RAB3C: variants seen among roughly 807,000 people sequenced by gnomAD.
The protein encoded by RAB3C is ras-related protein Rab-3C.
A neutral mutation model predicts 26.4 loss-of-function variants in RAB3C; 17 were observed. That is an observed-to-expected ratio of 0.64 (90% confidence interval 0.44 to 0.97). The LOEUF (loss-of-function observed/expected upper bound fraction) is 0.97. Ranked by LOEUF, RAB3C falls within the 50% of genes least tolerant of loss-of-function variation. The pLI, the probability that RAB3C is intolerant of heterozygous loss-of-function variation, is 0.00. For synonymous variants in RAB3C, 91 were observed against 95.9 expected (o/e 0.95, Z 0.30); for missense variants, 242 against 281.9 (o/e 0.86, Z 1.01).
At chr5:58,777,985 C>T (rs866521757) in intron 3 of RAB3C, among the ~76,000 whole-genome samples, 2 of 152,044 alleles carry the variant, frequency 1.3e-5, no homozygotes, top group Non-Finnish European at 2.9e-5. Flanking sequence ...GTTCTACTGA[C>T]CAGATTTGTA....
rs1006406866 is a variant in RAB3C at position 58,858,326 on chromosome 5, A to C, written c.*6975A>C. On this transcript the variant is annotated 3_prime_UTR_variant, in exon 5 of 5. Transcript: ENST00000282878. ...GTGACAACTTTGTGCCAAATTTTTTAAAAAATGGAAGCAGGTAGCCAATAT... is the reference window on the plus strand; with the variant it reads ...GTGACAACTTTGTGCCAAATTTTTTCAAAAATGGAAGCAGGTAGCCAATAT... 5.9e-5 allele frequency: 9 copies of C among 152,214 alleles called. No individual in the cohort carries two copies. The highest frequency in any genetic ancestry group is 2.2e-4 in the African/African-American group (9 of 41,458). The allele number at this position is 152,214 out of a possible 1,614,324, so 9.4% of individuals were successfully genotyped here.
At chr5:58,700,011 C>A (rs1748807858) in intron 2 of RAB3C, among the ~76,000 whole-genome samples, 1 of 152,168 alleles carries the variant, frequency 6.6e-6, no homozygotes, top group African/African-American at 2.4e-5. Flanking sequence ...CCAGGCACCT[C>A]AGTTGGAAAT....
chr5:58,597,184 ATATAT>A (rs1746327191), intron 1 of RAB3C, among the ~76,000 whole-genome samples: 5 of 92,446 alleles, frequency 5.4e-5, no homozygotes, highest in South Asian at 3.5e-4. Context: ...ATACTACATA[ATATAT>A]TATATAATAA....
intron 1 of RAB3C, among the ~76,000 whole-genome samples, chr5:58,610,512 T>A (rs1397437906): frequency 6.6e-6 from 1 of 152,168 alleles, no homozygotes; most frequent in African/African-American, 2.4e-5. Context: ...ATGTTGAGTA[T>A]GTTTTTTGTT....
chr5:58,590,344 C>T (rs187954767), intron 1 of RAB3C, among the ~76,000 whole-genome samples: 17 of 151,902 alleles, frequency 1.1e-4, no homozygotes, highest in East Asian at 1.9e-4. Flanking sequence ...GAGGTTTCTC[C>T]GTCTCTCTCA....
intron 2 of RAB3C, among the ~76,000 whole-genome samples, chr5:58,681,814 T>G (rs1002280783): frequency 4.6e-5 from 7 of 152,110 alleles, no homozygotes; most frequent in African/African-American, 1.7e-4. Flanking sequence ...TTGGGATATT[T>G]TAGGAAGATT....
intron 3 of RAB3C, among the ~76,000 whole-genome samples, chr5:58,745,313 G>A (rs968578578): frequency 3.4e-5 from 5 of 148,072 alleles, no homozygotes; most frequent in Non-Finnish European, 7.4e-5. Flanking sequence ...CAGGAGAATG[G>A]TGTGAACCCG....
chr5:58,720,033 T>C (rs1289803626), intron 2 of RAB3C, among the ~76,000 whole-genome samples: 1 of 151,982 alleles, frequency 6.6e-6, no homozygotes, highest in Non-Finnish European at 1.5e-5. Context: ...ATTCAGTGTA[T>C]ATTTCTGGGG....
intron 3 of RAB3C, among the ~76,000 whole-genome samples, chr5:58,743,644 G>T (rs781591318): frequency 6.6e-6 from 1 of 151,982 alleles, no homozygotes; most frequent in African/African-American, 2.4e-5. Context: ...ACTCCCACTT[G>T]TGAGTGAGAA....
intron 3 of RAB3C, among the ~76,000 whole-genome samples, chr5:58,756,320 TATATATATATATATAAC>T (rs1741655610): frequency 1.4e-5 from 2 of 141,680 alleles, no homozygotes; most frequent in African/African-American, 5.2e-5. Context: ...CCAGTAGTTA[TATATATATATATATAAC>T]ATATATATGT....
intron 4 of RAB3C, among the ~76,000 whole-genome samples, chr5:58,838,485 G>A (rs1743798418): frequency 6.6e-6 from 1 of 151,534 alleles, no homozygotes; most frequent in East Asian, 1.9e-4. Flanking sequence ...TAATTTCCAT[G>A]TATTTGTGTT....
At chr5:58,643,907 C>T (rs923436159) in intron 2 of RAB3C, among the ~76,000 whole-genome samples, 6 of 152,128 alleles carry the variant, frequency 3.9e-5, no homozygotes, top group African/African-American at 7.2e-5. Context: ...CTGCAACCTC[C>T]GCCTCCTGGG....
At position 58,706,925 on chromosome 5, in the gene RAB3C, C is replaced by T. The variant is rs144110359; in HGVS notation, c.253-19077C>T. Among the ~76,000 whole-genome samples the T allele has an allele frequency of 2.0e-4, 30 of 152,308 alleles. No individual in the cohort carries two copies. In the East Asian group the frequency reaches 5.4e-3, roughly 27 times the overall value. On this transcript the variant is annotated intron_variant, in intron 2 of 4. Transcript: ENST00000282878. ...CCAGTTTGGAGAAAAGCCCAGACAACATTTTAGTCATCCTTTGCCTGCTTT... is the reference window on the plus strand; with the variant it reads ...CCAGTTTGGAGAAAAGCCCAGACAATATTTTAGTCATCCTTTGCCTGCTTT...
intron 4 of RAB3C, among the ~76,000 whole-genome samples, chr5:58,836,200 A>G (rs920363782): frequency 2.6e-5 from 4 of 152,192 alleles, no homozygotes; most frequent in African/African-American, 9.6e-5. Context: ...TAGTGGTTCT[A>G]GATCAAAGAA....
At chr5:58,816,036 A>G (rs1415417831) in intron 3 of RAB3C, among the ~76,000 whole-genome samples, 1 of 152,124 alleles carries the variant, frequency 6.6e-6, no homozygotes, top group Admixed American at 6.6e-5. Context: ...GTACCCATAA[A>G]CTGGCTCTTT....
intron 2 of RAB3C, among the ~76,000 whole-genome samples, chr5:58,699,006 G>C (rs566423107): frequency 6.6e-6 from 1 of 152,114 alleles, no homozygotes; most frequent in Non-Finnish European, 1.5e-5. Context: ...GAGAAGAGGC[G>C]CTCCGATTTT....
intron 2 of RAB3C, among the ~76,000 whole-genome samples, chr5:58,682,282 G>A (rs1013982165): frequency 6.6e-6 from 1 of 152,142 alleles, no homozygotes; most frequent in African/African-American, 2.4e-5. Context: ...CAGTAAGGTC[G>A]ACTCTTATTC....
rs1403235145 is a variant in RAB3C at position 58,627,414 on chromosome 5, G to A, written c.252+9544G>A. Among the ~76,000 whole-genome samples, 7 of 99,102 alleles carry A rather than the reference G, an allele frequency of 7.1e-5. 1 individual carries two copies. The highest frequency in any genetic ancestry group is 1.6e-4 in the African/African-American group (4 of 24,842). The allele number at this position is 99,102 out of a possible 152,430, so 65.0% of individuals were successfully genotyped here. On this transcript the variant is annotated intron_variant, in intron 2 of 4. Transcript: ENST00000282878. ...CGGGAAGCGGAGCTTGCAGTGAGCC[G>A]AGATTGCGCCACTGCAGTCCGCAGT...
chr5:58,582,317 AT>A (rs1745915949), upstream of RAB3C: 5 of 828,244 alleles, frequency 6.0e-6, no homozygotes, highest in Non-Finnish European at 5.8e-6. Context: ...GTGCCTTTTC[AT>A]TTTAGCCCCG....
Sources: allele counts gnomAD v4.1 joint callset (sites outside exome capture counted in the v4.1 genomes callset), GRCh38; gene constraint gnomAD v4.1.1; transcripts MANE v1.5; gene names NCBI Gene and HGNC (gene_info 2026-07-23, HGNC 2026-07-21).